Variants in PALS2 observed in about 807,000 individuals in gnomAD.
The protein encoded by PALS2 is protein associated with LIN7 2, MAGUK p55 family member.
Under a neutral mutation model 61.6 loss-of-function variants are expected in PALS2, and 27 were observed. The observed-to-expected ratio is 0.44, with a 90% CI of 0.32 to 0.60. The LOEUF (loss-of-function observed/expected upper bound fraction) is 0.60, where lower values mean the gene tolerates loss of function less well. Ranked by LOEUF, PALS2 falls within the 20% of genes least tolerant of loss-of-function variation. The pLI is 0.05. For synonymous variants in PALS2, 236 were observed against 218.6 expected (o/e 1.08, Z -0.70); for missense variants, 554 against 639.4 (o/e 0.87, Z 1.44).
At chr7:24,660,908 G>C (rs1786685059) in intron 5 of PALS2, among the ~76,000 whole-genome samples, 1 of 152,150 alleles carries the variant, frequency 6.6e-6, no homozygotes, top group Non-Finnish European at 1.5e-5. Context: ...CTGCTAATCT[G>C]ATAGGAAAAA....
intron 5 of PALS2, among the ~76,000 whole-genome samples, chr7:24,662,109 A>G (rs886145272): frequency 1.3e-5 from 2 of 152,202 alleles, no homozygotes. Context: ...TTATTGACCT[A>G]CTGATTTAAG....
chr7:24,606,809 A>T (rs1221063999), intron 1 of PALS2, among the ~76,000 whole-genome samples: 1 of 152,074 alleles, frequency 6.6e-6, no homozygotes, highest in Non-Finnish European at 1.5e-5. Flanking sequence ...AGTGTTTCAG[A>T]TTTGGGATTT....
At chr7:24,660,107 A>G (rs1407188403) in intron 5 of PALS2, among the ~76,000 whole-genome samples, 1 of 152,120 alleles carries the variant, frequency 6.6e-6, no homozygotes, top group African/African-American at 2.4e-5. Context: ...CTTGAAAGAC[A>G]TTGTTTCACA....
At chr7:24,575,899 A>G (rs560551196) in intron 1 of PALS2, among the ~76,000 whole-genome samples, 5 of 152,342 alleles carry the variant, frequency 3.3e-5, no homozygotes, top group Admixed American at 2.0e-4. Flanking sequence ...TAAAATTCAC[A>G]TTAGGTATAT....
At chr7:24,680,950 A>G (rs528575085) in intron 11 of PALS2, among the ~76,000 whole-genome samples, 1 of 152,232 alleles carries the variant, frequency 6.6e-6, no homozygotes, top group African/African-American at 2.4e-5. Flanking sequence ...GTGCTACAGA[A>G]TGAAAATTAA....
intron 1 of PALS2, among the ~76,000 whole-genome samples, chr7:24,577,158 A>G (rs140234517): frequency 3.3e-5 from 5 of 152,250 alleles, no homozygotes; most frequent in Non-Finnish European, 7.4e-5. Flanking sequence ...GTATATTCAC[A>G]GAGTAATGAA....
intron 2 of PALS2, among the ~76,000 whole-genome samples, chr7:24,630,383 A>G (rs1583904510): frequency 6.6e-6 from 1 of 152,170 alleles, no homozygotes; most frequent in Non-Finnish European, 1.5e-5. Flanking sequence ...TACCTAATGT[A>G]GATGATGGGT....
At chr7:24,684,016 A>G (rs1788069998) in intron 11 of PALS2, among the ~76,000 whole-genome samples, 1 of 152,094 alleles carries the variant, frequency 6.6e-6, no homozygotes, top group Non-Finnish European at 1.5e-5. Context: ...CATAACCACC[A>G]CTAGTATCAT....
chr7:24,602,683 C>G (rs371904522), intron 1 of PALS2, among the ~76,000 whole-genome samples: 4 of 152,144 alleles, frequency 2.6e-5, no homozygotes, highest in African/African-American at 9.7e-5. Flanking sequence ...TTATCTTACT[C>G]TCTCCAGAAA....
chr7:24,585,665 C>A (rs1228809153), intron 1 of PALS2, among the ~76,000 whole-genome samples: 1 of 152,088 alleles, frequency 6.6e-6, no homozygotes, highest in East Asian at 1.9e-4. Context: ...CTTTCCAACA[C>A]ACTGCAATTC....
chr7:24,623,982 C>A, intron 2 of PALS2, 198 bp downstream of exon 2: 1 of 1,087,626 alleles, frequency 9.2e-7, no homozygotes. Context: ...ACTTTAAATA[C>A]AGGATGAAAT....
chr7:24,614,939 T>C (rs1477222185), intron 1 of PALS2, among the ~76,000 whole-genome samples: 3 of 151,808 alleles, frequency 2.0e-5, no homozygotes, highest in Non-Finnish European at 4.4e-5. Flanking sequence ...CAAAATAATA[T>C]CAAGTATCTT....
At chr7:24,663,509 CAG>C (rs1786848970) in intron 5 of PALS2, 79 bp from the exon 6 acceptor site, 3 of 1,311,134 alleles carry the variant, frequency 2.3e-6, no homozygotes, top group Non-Finnish European at 3.1e-6. Flanking sequence ...ACAATTAAAT[CAG>C]AGTGGTTTGA....
At chr7:24,624,956 A>G (rs1224670842) in intron 2 of PALS2, among the ~76,000 whole-genome samples, 1 of 152,152 alleles carries the variant, frequency 6.6e-6, no homozygotes, top group East Asian at 1.9e-4. Context: ...ATCACATGGT[A>G]TAAAGGCCCT....
intron 2 of PALS2, among the ~76,000 whole-genome samples, chr7:24,639,700 C>T: frequency 6.8e-6 from 1 of 146,596 alleles, no homozygotes; most frequent in Non-Finnish European, 1.5e-5. Context: ...TGGTGATAGT[C>T]TTTTATGATA....
chr7:24,670,408 C>G (rs1324167500), intron 9 of PALS2, among the ~76,000 whole-genome samples: 1 of 151,856 alleles, frequency 6.6e-6, no homozygotes, highest in African/African-American at 2.4e-5. Flanking sequence ...TACATGCTGT[C>G]TCTCTGGCTG....
At chr7:24,597,970 C>G (rs1420804051) in intron 1 of PALS2, among the ~76,000 whole-genome samples, 3 of 151,912 alleles carry the variant, frequency 2.0e-5, no homozygotes, top group Non-Finnish European at 2.9e-5. Context: ...TATTGCAATA[C>G]TTGGGGATAA....
chr7:24,586,192 A>G (rs1783059241), intron 1 of PALS2, among the ~76,000 whole-genome samples: 1 of 152,108 alleles, frequency 6.6e-6, no homozygotes, highest in Non-Finnish European at 1.5e-5. Flanking sequence ...GGGAAAACAA[A>G]GTTTAGCCAT....
chr7:24,680,339 G>C lies in PALS2; in HGVS notation c.1318-53G>C, dbSNP rs149919414. On this transcript the variant is annotated intron_variant, in intron 10 of 11. Transcript: ENST00000222644. Reference sequence around the variant, plus strand: ...CTTTGATATATACTAAAGGGTAGCAGAATTCTAGTTCTAATATTGTATAAA... The same window carrying C: ...CTTTGATATATACTAAAGGGTAGCACAATTCTAGTTCTAATATTGTATAAA... 13,128 of 1,550,664 alleles carry C rather than the reference G, an allele frequency of 8.5e-3. 74 individuals carry two copies. Among genetic ancestry groups the C allele is most frequent in the South Asian group, 0.021 (1,827 of 88,474 alleles).
Sources: allele counts gnomAD v4.1 joint callset (sites outside exome capture counted in the v4.1 genomes callset), GRCh38; gene constraint gnomAD v4.1.1; transcripts MANE v1.5; gene names NCBI Gene and HGNC (gene_info 2026-07-23, HGNC 2026-07-21).